Variants in GBGT1 observed in about 807,000 individuals in gnomAD.
GBGT1 encodes globoside alpha-1,3-N-acetylgalactosaminyltransferase 1 (FORS blood group), also known as globoside alpha-1,3-N-acetylgalactosaminyltransferase 1.
GBGT1 carries 18 observed loss-of-function variants against 20.9 expected under a neutral mutation model. That is an observed-to-expected ratio of 0.86 (90% CI 0.60 to 1.28). The LOEUF (loss-of-function observed/expected upper bound fraction) is 1.28. Among genes scored for constraint, GBGT1 ranks in the 50% most tolerant of loss-of-function variants. GBGT1 has a pLI of 0.00. For synonymous variants in GBGT1, 168 were observed against 180.8 expected (o/e 0.93, Z 0.57); for missense variants, 432 against 455.7 (o/e 0.95, Z 0.47).
In GBGT1 at chr9:133,154,102, G is replaced by C. The variant is rs1304067136; in HGVS notation, c.519C>G (p.His173Gln). The change falls in exon 7 of 7, where the codon CAC (histidine) becomes CAG (glutamine). Residue 173 changes from histidine to glutamine, a missense_variant. By Grantham distance (24) the His-to-Gln change is conservative (BLOSUM62 0). Transcript: ENST00000372040. This position sits in a 1 kb window ranked among gnomAD's most constrained non-coding sequence, Gnocchi z 4.2. The stretch of plus-strand genomic sequence containing the variant: ...GCATGGATGTCTCCTCCCAGTGGGA[G>C]TGACCCTGGATGGGGATGGAGCTGA... ...RLLSSIPIQG[H>Q]SHWEETSMRR... 1 of 1,612,634 alleles carries C rather than the reference G, an allele frequency of 6.2e-7. No homozygotes were observed. The highest frequency in any genetic ancestry group is 8.5e-7 in the Non-Finnish European group (1 of 1,179,472).
chr9:133,155,875 C>T, intron 5 of GBGT1, 26 bp downstream of exon 5: 1 of 1,612,924 alleles, frequency 6.2e-7, no homozygotes, highest in East Asian at 2.2e-5. Flanking sequence ...TCCCCCGCCC[C>T]CATCAGGCCT....
Position 133,154,535 on chromosome 9 carries a change from A to G in GBGT1, c.360-274T>C, listed in dbSNP as rs1832813414. ...TTTCTAAGTGCCCAGCGACGTTCTAAGAATTCTTATGATCTTTGATCTGCA... is the reference window on the plus strand; with the variant it reads ...TTTCTAAGTGCCCAGCGACGTTCTAGGAATTCTTATGATCTTTGATCTGCA... On this transcript the variant is annotated intron_variant, in intron 6 of 6. Transcript: ENST00000372040. This position sits in a 1 kb window ranked among gnomAD's most constrained non-coding sequence, Gnocchi z 4.2. The G allele has an allele frequency of 2.9e-6, 1 of 342,638 alleles. No individual in the cohort carries two copies. The highest frequency in any genetic ancestry group is 5.3e-6 in the Non-Finnish European group (1 of 189,070). 21.2% of individuals were successfully genotyped at this position (342,638 alleles called of 1,614,324 possible).
chr9:133,161,852 C>A (rs1833055796), intron 2 of GBGT1, among the ~76,000 whole-genome samples: 1 of 152,188 alleles, frequency 6.6e-6, no homozygotes, highest in Non-Finnish European at 1.5e-5. Context: ...AGGACAGAAA[C>A]AGAGGGTGAA....
At position 133,161,015 on chromosome 9, in the gene GBGT1, A is replaced by G. The variant is rs573738253; in HGVS notation, c.137+452T>C. ...ACAGAGTGAGACTCTGACTCAAGAAAAAAAAAAAAAAGACTCCTTAGTTGA... is the reference window on the plus strand; with the variant it reads ...ACAGAGTGAGACTCTGACTCAAGAAGAAAAAAAAAAAGACTCCTTAGTTGA... On this transcript the variant is annotated intron_variant, in intron 3 of 6. Coordinates refer to ENST00000372040, the MANE Select transcript of GBGT1 (RefSeq NM_021996.6). 685 of 220,292 alleles carry G rather than the reference A, an allele frequency of 3.1e-3. 8 individuals are homozygous for G. The highest frequency in any genetic ancestry group is 0.022 in the African/African-American group (635 of 29,504). 13.6% of individuals were successfully genotyped at this position (220,292 alleles called of 1,614,324 possible).
chr9:133,161,895 A>G (rs540510736), intron 2 of GBGT1, among the ~76,000 whole-genome samples: 1 of 152,306 alleles, frequency 6.6e-6, no homozygotes, highest in African/African-American at 2.4e-5. Context: ...CCCCATCAAC[A>G]TTGGTTGAAG....
Position 133,153,935 on chromosome 9 carries a change from G to C in GBGT1, c.686C>G (p.Pro229Arg), listed in dbSNP as rs1564261596. The C allele has an allele frequency of 6.2e-7, 1 of 1,610,408 alleles. No individual in the cohort carries two copies. ...CTGGCGGGGAACGGCGTAGTAGCTT[G>C]GGTGAATGGCAGCCACCAGGTCTCC... ...TLGDLVAAIH[P>R]SYYAVPRQQF... The change falls in exon 7 of 7, where the codon CCA becomes CGA. Residue 229 changes from proline to arginine, a missense_variant. By Grantham distance (103) the Pro-to-Arg change is moderately radical. Transcript: ENST00000372040.
Position 133,153,363 on chromosome 9 carries a change from C to A in GBGT1, c.*214G>T, listed in dbSNP as rs1376238131. The A allele has an allele frequency of 2.5e-6, 1 of 395,320 alleles. No homozygotes were observed. The highest frequency in any genetic ancestry group is 1.2e-4 in the South Asian group (1 of 8,676). The allele number at this position is 395,320 out of a possible 1,614,324, so 24.5% of individuals were successfully genotyped here. On this transcript the variant is annotated 3_prime_UTR_variant, in exon 7 of 7. Coordinates refer to ENST00000372040, the MANE Select transcript of GBGT1 (RefSeq NM_021996.6). The stretch of plus-strand genomic sequence containing the variant: ...CCTTTGTAACTGCGCCTCCCCTCCC[C>A]CTGTCTCACTGTTCCCATGCCGCGT...
rs548642898 is a variant in GBGT1, at chr9:133,154,979, A to G, written c.359+199T>C. The G allele has an allele frequency of 3.4e-4, 194 of 576,524 alleles. 1 individual carries two copies. The African/African-American group carries it at 3.4e-3, about 10-fold the overall frequency. The allele number at this position is 576,524 out of a possible 1,614,324, so 35.7% of individuals were successfully genotyped here. Reference sequence around the variant, plus strand: ...CTGGACTCTGCATCCTGTCTATGCTAGAGCCAGATCCCCTACTCCAGGAAG... The same window carrying G: ...CTGGACTCTGCATCCTGTCTATGCTGGAGCCAGATCCCCTACTCCAGGAAG... On this transcript the variant is annotated intron_variant, in intron 6 of 6. Coordinates refer to ENST00000372040, the MANE Select transcript of GBGT1 (RefSeq NM_021996.6). The surrounding 1 kb of genome is among the most constrained non-coding windows in gnomAD (Gnocchi z 4.2).
rs962912980 is a variant in GBGT1, at chr9:133,154,257, T to C, written c.364A>G (p.Thr122Ala). 6 of 1,521,442 alleles carry C rather than the reference T, an allele frequency of 3.9e-6. No homozygotes were observed. Among genetic ancestry groups the C allele is most frequent in the East Asian group, 4.6e-5 (2 of 43,866 alleles). 94.2% of individuals were successfully genotyped at this position (1,521,442 alleles called of 1,614,324 possible). ...GVTVFAVGKY[T>A]HFIQSFLESA... ...TCCAGGAAGGACTGGATGAAATGAGTGTACCTAGTGATGATCACCCGGTCA... is the reference window on the plus strand; with the variant it reads ...TCCAGGAAGGACTGGATGAAATGAGCGTACCTAGTGATGATCACCCGGTCA... The change falls in exon 7 of 7, where the codon ACT becomes GCT. Residue 122 changes from threonine to alanine, a missense_variant. Physicochemically the swap from Thr to Ala is moderately conservative, Grantham distance 58. Transcript: ENST00000372040. The surrounding 1 kb of genome is among the most constrained non-coding windows in gnomAD (Gnocchi z 4.2).
chr9:133,159,771 T>C (rs946816529), intron 3 of GBGT1, among the ~76,000 whole-genome samples: 1 of 152,026 alleles, frequency 6.6e-6, no homozygotes, highest in Non-Finnish European at 1.5e-5. Context: ...CACTCCAGCC[T>C]GGGCAACAGA....
rs1405132168 is a variant in GBGT1, at chr9:133,153,837, C to T, written c.784G>A (p.Gly262Arg). ...ADSEGDFYYG[G>R]AVFGGQVARV... ...GCCACCTGCCCCCCGAAGACTGCCCCACCATAATAGAAGTCCCCTTCGCTG... is the reference window on the plus strand; with the variant it reads ...GCCACCTGCCCCCCGAAGACTGCCCTACCATAATAGAAGTCCCCTTCGCTG... The change falls in exon 7 of 7, where the codon GGG (glycine) becomes AGG (arginine). Residue 262 changes from glycine to arginine, a missense_variant. Physicochemically the swap from Gly to Arg is moderately radical, Grantham distance 125 (BLOSUM62 -2). Transcript: ENST00000372040. 1.9e-6 allele frequency: 3 copies of T among 1,595,286 alleles called. No individual in the cohort carries two copies. Among genetic ancestry groups the T allele is most frequent in the East Asian group, 2.2e-5 (1 of 44,610 alleles).
intron 3 of GBGT1, 185 bp downstream of exon 3, chr9:133,161,282 C>T (rs1039606610): frequency 9.3e-6 from 5 of 536,470 alleles, no homozygotes; most frequent in Non-Finnish European, 9.9e-6. Context: ...GCTGGAAGAC[C>T]GAAATGGGAA....
At position 133,153,995 on chromosome 9, in the gene GBGT1, A is replaced by C; in HGVS notation, c.626T>G (p.Met209Arg). The C allele has an allele frequency of 6.2e-7, 1 of 1,613,880 alleles. No individual in the cohort carries two copies. Among genetic ancestry groups the C allele is most frequent in the South Asian group, 1.1e-5 (1 of 91,084 alleles). ...AGGGCCCCACGGGTTCCGAAACACCATGTCCACATCAAGGCAGAAGAGGTA... is the reference window on the plus strand; with the variant it reads ...AGGGCCCCACGGGTTCCGAAACACCCTGTCCACATCAAGGCAGAAGAGGTA... ...VDYLFCLDVD[M>R]VFRNPWGPET... The change falls in exon 7 of 7, where the codon ATG becomes AGG. Residue 209 changes from methionine to arginine, a missense_variant. Physicochemically the swap from Met to Arg is moderately conservative, Grantham distance 91. Transcript: ENST00000372040.
chr9:133,161,350 A>C, intron 3 of GBGT1, 117 bp downstream of exon 3: 1 of 610,902 alleles, frequency 1.6e-6, no homozygotes, highest in Non-Finnish European at 2.9e-6. Context: ...CATTTATCAG[A>C]AACATGAACT....
rs778031381 is a variant in GBGT1, at chr9:133,161,449, A to G, written c.137+18T>C. ...AGCCCTCAGGGCCCCCAGTTCTCCT[A>G]GCCACACCCATACTTACAAGATCTC... On this transcript the variant is annotated intron_variant, in intron 3 of 6. Coordinates refer to ENST00000372040, the MANE Select transcript of GBGT1 (RefSeq NM_021996.6). The G allele has an allele frequency of 2.5e-6, 4 of 1,577,006 alleles. No individual in the cohort carries two copies. The highest frequency in any genetic ancestry group is 1.7e-5 in the Admixed American group (1 of 58,424).
rs1244336769 is a variant in GBGT1 at position 133,153,969 on chromosome 9, C to T, written c.652G>A (p.Glu218Lys). 6.2e-7 allele frequency: 1 copy of T among 1,613,584 alleles called. No homozygotes were observed. The highest frequency in any genetic ancestry group is 1.7e-5 in the Admixed American group (1 of 60,016). ...DMVFRNPWGP[E>K]TLGDLVAAIH... The stretch of plus-strand genomic sequence containing the variant: ...GCAGCCACCAGGTCTCCCAAGGTCT[C>T]AGGGCCCCACGGGTTCCGAAACACC... The change falls in exon 7 of 7, where the codon GAG becomes AAG. Residue 218 changes from glutamate to lysine, a missense_variant. Coordinates refer to ENST00000372040, the MANE Select transcript of GBGT1 (RefSeq NM_021996.6).
chr9:133,154,076 C>T lies in GBGT1; in HGVS notation c.545G>A (p.Arg182His), dbSNP rs545204928. 3.7e-5 allele frequency: 60 copies of T among 1,613,436 alleles called. No individual in the cohort carries two copies. The highest frequency in any genetic ancestry group is 4.6e-5 in the Non-Finnish European group (54 of 1,179,938). ...GHSHWEETSM[R>H]RMETISQHIA... ...GTGCTGGCTGATGGTCTCCATCCGG[C>T]GCATGGATGTCTCCTCCCAGTGGGA... is the stretch of plus-strand genomic sequence containing the variant. Residue 182 changes from arginine (R) to histidine (H), a missense_variant, in exon 7 of 7, where the codon CGC becomes CAC. Transcript: ENST00000372040. The surrounding 1 kb of genome is among the most constrained non-coding windows in gnomAD (Gnocchi z 4.2).
rs1301303290 is a variant in GBGT1, at chr9:133,153,292, C to A, written c.*285G>T. 5 of 324,304 alleles carry A rather than the reference C, an allele frequency of 1.5e-5. No homozygotes were observed. Among genetic ancestry groups the A allele is most frequent in the Non-Finnish European group, 2.8e-5 (5 of 178,206 alleles). The allele number at this position is 324,304 out of a possible 1,614,324, so 20.1% of individuals were successfully genotyped here. On this transcript the variant is annotated 3_prime_UTR_variant, in exon 7 of 7. Transcript: ENST00000372040. ...GTCGGGCTGAGGCTTCAGAGCCTGC[C>A]CCGCAAAGGCACGGCTGCAGAACGT... is the stretch of plus-strand genomic sequence containing the variant.
At chr9:133,156,932 A>C (rs999129210) in intron 3 of GBGT1, among the ~76,000 whole-genome samples, 4 of 152,162 alleles carry the variant, frequency 2.6e-5, no homozygotes, top group African/African-American at 9.7e-5. Flanking sequence ...TTTTACATAA[A>C]AGAGAGTATC....
Sources: allele counts gnomAD v4.1 joint callset (sites outside exome capture counted in the v4.1 genomes callset), GRCh38; gene constraint gnomAD v4.1.1; non-coding constraint Gnocchi (gnomAD v3.1); transcripts MANE v1.5; gene names NCBI Gene and HGNC (gene_info 2026-07-23, HGNC 2026-07-21).